Variants in ADGRL3 observed in about 807,000 individuals in gnomAD.
The protein encoded by ADGRL3 is calcium-independent alpha-latrotoxin receptor 3.
A neutral mutation model predicts 153.5 loss-of-function variants in ADGRL3; 62 were observed. That is an observed-to-expected ratio of 0.40 (90% CI 0.33 to 0.50). ADGRL3 has a LOEUF of 0.50. ADGRL3 is among the 20% of genes least tolerant of loss of function. The pLI is 0.47. For missense variants in ADGRL3, 1,641 were observed against 1,859.4 expected (o/e 0.88, Z 2.16); for synonymous variants, 710 against 672.5 (o/e 1.06, Z -0.86).
At chr4:61,600,865 A>G (rs2099008881) in intron 5 of ADGRL3, among the ~76,000 whole-genome samples, 2 of 152,202 alleles carry the variant, frequency 1.3e-5, no homozygotes, top group Admixed American at 6.5e-5. Context: ...ACATTTGTGA[A>G]TGTTTTACTT....
chr4:61,551,634 T>G (rs921545254), intron 4 of ADGRL3, among the ~76,000 whole-genome samples: 1 of 152,152 alleles, frequency 6.6e-6, no homozygotes, highest in Non-Finnish European at 1.5e-5. Flanking sequence ...ACCCCTTGGG[T>G]TGATAAATCT....
chr4:61,765,701 C>T (rs1457531396), intron 8 of ADGRL3, among the ~76,000 whole-genome samples: 2 of 152,060 alleles, frequency 1.3e-5, no homozygotes, highest in African/African-American at 2.4e-5. Flanking sequence ...GTAGGAAAGG[C>T]CTCTACCTAT....
chr4:62,045,203 C>G (rs1209701250), intron 25 of ADGRL3, among the ~76,000 whole-genome samples: 2 of 151,710 alleles, frequency 1.3e-5, no homozygotes, highest in Non-Finnish European at 2.9e-5. Context: ...TTTGCATTCT[C>G]TCTCTCTCCC....
intron 4 of ADGRL3, among the ~76,000 whole-genome samples, chr4:61,565,701 C>A (rs965034932): frequency 6.6e-6 from 1 of 151,824 alleles, no homozygotes; most frequent in African/African-American, 2.4e-5. Flanking sequence ...CCACACCCAG[C>A]TAATTTTTGT....
chr4:61,807,600 A>G (rs1375014731), intron 8 of ADGRL3, among the ~76,000 whole-genome samples: 2 of 152,114 alleles, frequency 1.3e-5, no homozygotes, highest in East Asian at 1.9e-4. Context: ...CTTCAGGCTA[A>G]AAGATTTTCA....
At chr4:61,882,961 A>G (rs6817768) in intron 9 of ADGRL3, among the ~76,000 whole-genome samples, 30,257 of 151,888 alleles carry the variant, frequency 0.2, 3,228 homozygotes, top group African/African-American at 0.25. Context: ...ACACATGCAC[A>G]CAAAATTAGC....
In ADGRL3 at chr4:61,923,704, A is replaced by G. The variant is rs187830637; in HGVS notation, c.2112+10947A>G. On this transcript the variant is annotated intron_variant, in intron 13 of 26. Coordinates refer to ENST00000683033, the MANE Select transcript of ADGRL3 (RefSeq NM_001387552.1). ...CTTCGTATGTCAATTACTCTAAAGA[A>G]GCATTCTTTGTCCCACTTAGTCTGA... is the stretch of plus-strand genomic sequence containing the variant. 1.4e-4 allele frequency among the ~76,000 whole-genome samples: 22 copies of G among 152,332 alleles called. No individual in the cohort carries two copies. The East Asian group carries it at 2.5e-3, about 17-fold the overall frequency.
chr4:61,323,881 A>G (rs954400345), intron 1 of ADGRL3, among the ~76,000 whole-genome samples: 1 of 152,128 alleles, frequency 6.6e-6, no homozygotes, highest in Admixed American at 6.6e-5. Context: ...GTACCAATTT[A>G]CTGTATAGTC....
intron 6 of ADGRL3, among the ~76,000 whole-genome samples, chr4:61,707,749 C>G (rs2095879924): frequency 6.6e-6 from 1 of 152,062 alleles, no homozygotes; most frequent in Non-Finnish European, 1.5e-5. Flanking sequence ...GTTTCATGTG[C>G]TTAACCTTCC....
chr4:62,067,707 A>G (rs1743726104), intron 25 of ADGRL3, among the ~76,000 whole-genome samples: 1 of 152,124 alleles, frequency 6.6e-6, no homozygotes, highest in Admixed American at 6.6e-5. Flanking sequence ...TTCTCTCTGT[A>G]TAAAAGCTTC....
At chr4:61,334,220 A>AT (rs956506869) in intron 1 of ADGRL3, among the ~76,000 whole-genome samples, 4 of 151,884 alleles carry the variant, frequency 2.6e-5, no homozygotes, top group Non-Finnish European at 5.9e-5. Context: ...CCCAGCCAAC[A>AT]TTTTTTTTAA....
rs556708997 is a variant in ADGRL3, at chr4:61,979,257, T to C, written c.2806-306T>C. Among the ~76,000 whole-genome samples, 5 of 152,306 alleles carry C rather than the reference T, an allele frequency of 3.3e-5. No homozygotes were observed. The East Asian group carries it at 9.7e-4, about 29-fold the overall frequency. On this transcript the variant is annotated intron_variant, in intron 17 of 26. Transcript: ENST00000683033. The stretch of plus-strand genomic sequence containing the variant: ...TTTAAAAAATAAAATGTTTTAACCT[T>C]GAAATCTTTGGCCAGAATTAAGTCG...
chr4:61,482,343 G>C (rs942003365), intron 2 of ADGRL3, among the ~76,000 whole-genome samples: 3 of 152,132 alleles, frequency 2.0e-5, no homozygotes, highest in African/African-American at 7.2e-5. Context: ...AAAGTATTCA[G>C]ATACCGTATT....
At chr4:61,936,304 A>G (rs1329795051) in intron 15 of ADGRL3, among the ~76,000 whole-genome samples, 1 of 152,174 alleles carries the variant, frequency 6.6e-6, no homozygotes, top group African/African-American at 2.4e-5. Context: ...TATGAAGGAA[A>G]TTATGGACAA....
intron 1 of ADGRL3, among the ~76,000 whole-genome samples, chr4:61,368,656 G>A (rs1013807421): frequency 1.3e-5 from 2 of 152,010 alleles, no homozygotes; most frequent in East Asian, 1.9e-4. Flanking sequence ...TTGAAGTCAG[G>A]TAGTGTGATG....
intron 1 of ADGRL3, among the ~76,000 whole-genome samples, chr4:61,358,687 G>A (rs937336778): frequency 1.6e-4 from 24 of 149,596 alleles, no homozygotes; most frequent in Middle Eastern, 3.4e-3. Flanking sequence ...CACTTTCCTT[G>A]TATTTTTCTG....
intron 1 of ADGRL3, among the ~76,000 whole-genome samples, chr4:61,282,409 T>G (rs1210734001): frequency 6.6e-6 from 1 of 152,060 alleles, no homozygotes; most frequent in Non-Finnish European, 1.5e-5. Flanking sequence ...AAAATCCGCA[T>G]TTGGTTATTA....
chr4:62,027,924 C>A (rs1390874725), intron 21 of ADGRL3, among the ~76,000 whole-genome samples: 2 of 151,836 alleles, frequency 1.3e-5, no homozygotes, highest in Non-Finnish European at 2.9e-5. Flanking sequence ...AAACCTCAGG[C>A]AAACTGGCTT....
chr4:62,053,003 A>G (rs575772803), intron 25 of ADGRL3, among the ~76,000 whole-genome samples: 6 of 151,686 alleles, frequency 4.0e-5, no homozygotes, highest in Non-Finnish European at 8.9e-5. Flanking sequence ...TTTAAAACAA[A>G]TAAAACTTGA....
Sources: gnomAD v4.1 joint callset for allele counts (sites outside exome capture counted in the v4.1 genomes callset) on GRCh38, gnomAD v4.1.1 for gene constraint, MANE v1.5 for transcripts, NCBI Gene and HGNC (gene_info 2026-07-23, HGNC 2026-07-21) for gene names.